CAGE1: variants seen among roughly 807,000 people sequenced by gnomAD.
The protein encoded by CAGE1 is cancer-associated gene 1 protein.
CAGE1 carries 66 observed loss-of-function variants against 94.9 expected under a neutral mutation model. The ratio of observed to expected loss-of-function variants is 0.70; its 90% CI spans 0.57 to 0.85. The LOEUF (loss-of-function observed/expected upper bound fraction) is 0.85, where lower values mean the gene tolerates loss of function less well. CAGE1 is among the 40% of genes least tolerant of loss of function. The pLI is 0.00. For missense variants in CAGE1, 865 were observed against 950.4 expected (o/e 0.91, Z 1.18); for synonymous variants, 319 against 321.0 (o/e 0.99, Z 0.07).
At chr6:7,335,468 G>C (rs1250380516) in intron 11 of CAGE1, among the ~76,000 whole-genome samples, 1 of 152,224 alleles carries the variant, frequency 6.6e-6, no homozygotes, top group African/African-American at 2.4e-5. Context: ...ACAAACCAAA[G>C]AGCATACACT....
At chr6:7,342,436 A>C (rs1224222460) in intron 11 of CAGE1, among the ~76,000 whole-genome samples, 1 of 152,118 alleles carries the variant, frequency 6.6e-6, no homozygotes, top group African/African-American at 2.4e-5. Flanking sequence ...CTGGGTATAG[A>C]TGCTCTGGTC....
At position 7,358,394 on chromosome 6, in the gene CAGE1, T is replaced by C. The variant is rs151264974; in HGVS notation, c.2194-2265A>G. 2.2e-3 allele frequency among the ~76,000 whole-genome samples: 335 copies of C among 152,240 alleles called. 1 individual carries two copies. The highest frequency in any genetic ancestry group is 3.2e-3 in the Non-Finnish European group (220 of 68,024). On this transcript the variant is annotated intron_variant, in intron 9 of 13. Coordinates refer to ENST00000502583, the MANE Select transcript of CAGE1 (RefSeq NM_001170692.2). ...ATCCCTTTTTTATGACTGAGGAGTA[T>C]TTTCATTGAATGAATATATACAATG...
chr6:7,383,473 T>C (rs1161388746), intron 3 of CAGE1, among the ~76,000 whole-genome samples: 2 of 152,238 alleles, frequency 1.3e-5, no homozygotes, highest in Non-Finnish European at 2.9e-5. Context: ...CACTGGTTTA[T>C]AATGACACCT....
At position 7,326,711 on chromosome 6, in the gene CAGE1, A is replaced by G. The variant is rs144078869; in HGVS notation, c.*147T>C. On this transcript the variant is annotated 3_prime_UTR_variant, in exon 14 of 14. Coordinates refer to ENST00000502583, the MANE Select transcript of CAGE1 (RefSeq NM_001170692.2). ...ATTCACAGGAAGAAATTAGAAGAAAAGTAATCACATCTTTGGAATGTAAGA... is the reference window on the plus strand; with the variant it reads ...ATTCACAGGAAGAAATTAGAAGAAAGGTAATCACATCTTTGGAATGTAAGA... 6,392 of 663,334 alleles carry G rather than the reference A, an allele frequency of 9.6e-3. 40 individuals carry two copies. The highest frequency in any genetic ancestry group is 0.014 in the Non-Finnish European group (5,123 of 369,878). The allele number at this position is 663,334 out of a possible 1,614,324, so 41.1% of individuals were successfully genotyped here. A position where few individuals can be genotyped will look rare whatever the true frequency, so the allele number is the denominator to read the frequency against.
chr6:7,332,376 C>T (rs1758788472), intron 12 of CAGE1, among the ~76,000 whole-genome samples: 1 of 152,198 alleles, frequency 6.6e-6, no homozygotes, highest in Non-Finnish European at 1.5e-5. Context: ...GATACTCTAT[C>T]AGCCCCGAAG....
intron 7 of CAGE1, among the ~76,000 whole-genome samples, chr6:7,366,539 A>C (rs1420876725): frequency 6.6e-6 from 1 of 152,186 alleles, no homozygotes; most frequent in African/African-American, 2.4e-5. Context: ...CGCACTAGGC[A>C]GAGGGTGCTT....
At chr6:7,350,946 C>G (rs769884570) in intron 11 of CAGE1, among the ~76,000 whole-genome samples, 3 of 151,856 alleles carry the variant, frequency 2.0e-5, no homozygotes, top group Non-Finnish European at 2.9e-5. Context: ...ACAAAAAATA[C>G]AATACAAAGA....
chr6:7,382,540 A>T (rs1760974577), intron 3 of CAGE1, among the ~76,000 whole-genome samples: 1 of 150,202 alleles, frequency 6.7e-6, no homozygotes, highest in Non-Finnish European at 1.5e-5. Context: ...TGACCTCCTG[A>T]TCCGCTTGCC....
rs532790632 is a variant in CAGE1, at chr6:7,385,982, G to C, written c.196-110C>G. On this transcript the variant is annotated intron_variant, in intron 2 of 13. Transcript: ENST00000502583. ...GCTATTAGAATATTTCATTACATAG[G>C]TAGAATGTGCTTTCTAGTATCTTTC... The C allele has an allele frequency of 1.1e-5, 6 of 552,956 alleles. No homozygotes were observed. The East Asian group carries it at 2.0e-4, about 19-fold the overall frequency. 34.3% of individuals were successfully genotyped at this position (552,956 alleles called of 1,614,324 possible).
intron 3 of CAGE1, among the ~76,000 whole-genome samples, 175 bp downstream of exon 3, chr6:7,385,610 A>AT (rs933830771): frequency 6.6e-6 from 1 of 152,244 alleles, no homozygotes. Context: ...TAAAATGAAG[A>AT]TAAAAACAGC....
intron 6 of CAGE1, among the ~76,000 whole-genome samples, chr6:7,369,293 C>T (rs912361404): frequency 1.7e-4 from 26 of 152,300 alleles, no homozygotes; most frequent in African/African-American, 6.0e-4. Flanking sequence ...CAGGCGTGAG[C>T]CACCGCACCT....
At chr6:7,359,077 G>A (rs559093112) in intron 9 of CAGE1, among the ~76,000 whole-genome samples, 4 of 151,354 alleles carry the variant, frequency 2.6e-5, no homozygotes, top group East Asian at 1.9e-4. Context: ...ACGGAGTTTC[G>A]CTCTTGTTGC....
chr6:7,332,728 C>G (rs181879078), intron 12 of CAGE1, among the ~76,000 whole-genome samples: 1 of 152,134 alleles, frequency 6.6e-6, no homozygotes, highest in Non-Finnish European at 1.5e-5. Context: ...ACGACAGATT[C>G]GAAGAAATCC....
rs1330369524 is a variant in CAGE1 at position 7,373,917 on chromosome 6, T to C, written c.902A>G (p.Glu301Gly). The C allele has an allele frequency of 1.9e-6, 3 of 1,614,050 alleles. No individual in the cohort carries two copies. The highest frequency in any genetic ancestry group is 1.7e-6 in the Non-Finnish European group (2 of 1,179,902). Residue 301 changes from glutamate to glycine, a missense_variant, in exon 5 of 14, where the codon GAG becomes GGG. Transcript: ENST00000502583. ...QSAESLQPVQ[E>G]DMALNEVLQK... ...CAAGACTTCATTTAAAGCCATGTCC[T>C]CTTGAACAGGTTGTAAGCTTTCAGC...
rs549672939 is a variant in CAGE1 at position 7,388,996 on chromosome 6, TTTAAAG to T, written c.-24+200_-24+205del. Among the ~76,000 whole-genome samples the T allele has an allele frequency of 4.6e-5, 7 of 152,326 alleles. No individual in the cohort carries two copies. In the South Asian group the frequency reaches 8.3e-4, roughly 18 times the overall value. The stretch of plus-strand genomic sequence containing the variant: ...ACAATCTGCCAGTTTACCTTTTTAA[TTTAAAG>T]TTAGACTATTTTTTCCATCTTTCAT... On this transcript the variant is annotated intron_variant, in intron 1 of 13. Coordinates refer to ENST00000502583, the MANE Select transcript of CAGE1 (RefSeq NM_001170692.2).
In CAGE1 at chr6:7,352,311, AAAAAC is replaced by A. The variant is rs1759807709; in HGVS notation, c.2369+2725_2369+2729del. 1.3e-3 allele frequency among the ~76,000 whole-genome samples: 143 copies of A among 110,718 alleles called. 3 individuals carry two copies. The highest frequency in any genetic ancestry group is 7.3e-3 in the African/African-American group (139 of 19,164). The allele number at this position is 110,718 out of a possible 152,430, so 72.6% of individuals were successfully genotyped here. A position where few individuals can be genotyped will look rare whatever the true frequency, so the allele number is the denominator to read the frequency against. ...GCTGCAAAAAAAAAAAAAAACAAAA[AAAAAC>A]AAAAAAAAAAAACCTAACCAAAGAG... On this transcript the variant is annotated intron_variant, in intron 11 of 13. Transcript: ENST00000502583.
chr6:7,386,818 C>T (rs1264653203), intron 2 of CAGE1, among the ~76,000 whole-genome samples, 161 bp downstream of exon 2: 1 of 152,138 alleles, frequency 6.6e-6, no homozygotes. Flanking sequence ...ATGTATCTTA[C>T]GCTAGCGAAA....
At chr6:7,341,337 C>T (rs1759166388) in intron 11 of CAGE1, 2 of 700,246 alleles carry the variant, frequency 2.9e-6, no homozygotes, top group Non-Finnish European at 5.2e-6. Flanking sequence ...ACTGGTGTCC[C>T]AGATCACATG....
At chr6:7,358,065 T>TATAC (rs1760038659) in intron 9 of CAGE1, among the ~76,000 whole-genome samples, 2 of 114,084 alleles carry the variant, frequency 1.8e-5, no homozygotes, top group African/African-American at 7.5e-5. Flanking sequence ...TATATATATA[T>TATAC]ATATATGCCT....
Sources: gnomAD v4.1 joint callset for allele counts (sites outside exome capture counted in the v4.1 genomes callset) on GRCh38, gnomAD v4.1.1 for gene constraint, MANE v1.5 for transcripts, NCBI Gene and HGNC (gene_info 2026-07-23, HGNC 2026-07-21) for gene names.